Variants in UPP2 observed in about 807,000 individuals in gnomAD.
UPP2 encodes the protein UPase 2.
In UPP2, 23 loss-of-function variants were observed where a neutral mutation model predicts 26.7. That is an observed-to-expected ratio of 0.86 (90% confidence interval 0.62 to 1.22). The LOEUF (loss-of-function observed/expected upper bound fraction) is 1.22. Ranked by LOEUF, UPP2 falls within the 50% of genes most tolerant of loss-of-function variation. The pLI is 0.00. For synonymous variants in UPP2, 127 were observed against 141.3 expected, an observed-to-expected ratio of 0.90 and a Z score of 0.72; for missense variants, 387 against 396.7, an observed-to-expected ratio of 0.98 and a Z score of 0.21.
intron 3 of UPP2, among the ~76,000 whole-genome samples, chr2:158,087,748 T>G (rs1463020064): frequency 6.6e-6 from 1 of 152,168 alleles, no homozygotes; most frequent in Non-Finnish European, 1.5e-5. Flanking sequence ...CCTTCATTTA[T>G]GAAGTTTAGT....
intron 3 of UPP2, among the ~76,000 whole-genome samples, chr2:158,023,352 A>G (rs1244929095): frequency 6.6e-6 from 1 of 152,150 alleles, no homozygotes; most frequent in Non-Finnish European, 1.5e-5. Flanking sequence ...GTGACACTCC[A>G]TAATAATTAA....
chr2:158,098,860 C>T (rs1683028262), upstream of UPP2, among the ~76,000 whole-genome samples: 1 of 152,306 alleles, frequency 6.6e-6, no homozygotes, highest in South Asian at 2.1e-4. Flanking sequence ...ATAGAAAATA[C>T]TGTACATTTT....
In UPP2 at chr2:158,102,086, C is replaced by T; in HGVS notation, c.23C>T (p.Ser8Phe). MASVIPA[S>F]NRSMRSDRNT... ...AGAATGGCTTCAGTTATACCTGCCT[C>T]CAATAGGTCCATGAGATCTGACAGG... The change falls in exon 1 of 7, where the codon TCC (serine) becomes TTC (phenylalanine). Residue 8 changes from serine (S) to phenylalanine (F), a missense_variant. Ser to Phe is a radical substitution (Grantham distance 155). Coordinates refer to ENST00000005756, the MANE Select transcript of UPP2 (RefSeq NM_173355.4). 1 of 1,613,472 alleles carries T rather than the reference C, an allele frequency of 6.2e-7. No individual in the cohort carries two copies. The highest frequency in any genetic ancestry group is 8.5e-7 in the Non-Finnish European group (1 of 1,179,752).
At chr2:158,093,708 A>C (rs1291462167) in intron 3 of UPP2, among the ~76,000 whole-genome samples, 1 of 152,162 alleles carries the variant, frequency 6.6e-6, no homozygotes, top group Non-Finnish European at 1.5e-5. Flanking sequence ...TAAGGCTAAC[A>C]ACATCAGATT....
At chr2:158,120,041 A>G (rs555774750) in intron 4 of UPP2, among the ~76,000 whole-genome samples, 1 of 150,938 alleles carries the variant, frequency 6.6e-6, no homozygotes, top group African/African-American at 2.4e-5. Context: ...AAAATAAATT[A>G]AAAAAAAATA....
chr2:158,121,529 T>C lies in UPP2; in HGVS notation c.575T>C (p.Leu192Pro), dbSNP rs1683567017. The C allele has an allele frequency of 6.2e-7, 1 of 1,613,534 alleles. No homozygotes were observed. The highest frequency in any genetic ancestry group is 1.1e-5 in the South Asian group (1 of 91,070). Residue 192 changes from leucine to proline, a missense_variant, in exon 5 of 7, where the codon CTG becomes CCG. Coordinates refer to ENST00000005756, the MANE Select transcript of UPP2 (RefSeq NM_173355.4). ...CGAAGTACTGAACTGGACAAAGAACTGTCTGAAGAACTGTTCAACTGTAGC... is the reference window on the plus strand; with the variant it reads ...CGAAGTACTGAACTGGACAAAGAACCGTCTGAAGAACTGTTCAACTGTAGC... The part of the protein sequence containing the change: ...VTRSTELDKE[L>P]SEELFNCSKE...
chr2:158,009,102 T>C (rs1388185705), intron 2 of UPP2, among the ~76,000 whole-genome samples: 2 of 152,162 alleles, frequency 1.3e-5, no homozygotes, highest in Admixed American at 6.5e-5. Context: ...TTCTAACACA[T>C]GCAAGAAATT....
At chr2:158,079,587 G>C (rs1296478477) in intron 3 of UPP2, among the ~76,000 whole-genome samples, 2 of 152,098 alleles carry the variant, frequency 1.3e-5, no homozygotes, top group Non-Finnish European at 2.9e-5. Context: ...ATTAAAAGGC[G>C]ATTAAATCAT....
chr2:158,026,912 C>A (rs376646054), intron 3 of UPP2, among the ~76,000 whole-genome samples: 2 of 152,098 alleles, frequency 1.3e-5, no homozygotes, highest in Non-Finnish European at 2.9e-5. Flanking sequence ...AAAGCGGAAA[C>A]CCCTGATAAA....
intron 6 of UPP2, among the ~76,000 whole-genome samples, chr2:158,131,917 T>C (rs991156213): frequency 2.6e-5 from 4 of 152,234 alleles, no homozygotes; most frequent in African/African-American, 7.2e-5. Flanking sequence ...TTCTTTTCTA[T>C]CTTTGGCATT....
At chr2:158,094,113 G>T in intron 3 of UPP2, among the ~76,000 whole-genome samples, 1 of 151,546 alleles carries the variant, frequency 6.6e-6, no homozygotes, top group Non-Finnish European at 1.5e-5. Context: ...TTATAAGTAC[G>T]AGTTTTAACA....
chr2:158,018,958 T>C (rs537356558), intron 3 of UPP2, among the ~76,000 whole-genome samples: 1 of 152,290 alleles, frequency 6.6e-6, no homozygotes, highest in African/African-American at 2.4e-5. Context: ...GACAGAAGCA[T>C]GGTCTTGCGT....
rs1464441148 is a variant in UPP2, at chr2:158,129,570, C to T, written c.812-5178C>T. On this transcript the variant is annotated intron_variant, in intron 6 of 6. Transcript: ENST00000005756. ...ATAGACATCTCCTGTCTCCTGATCA[C>T]CACTCTCTCCACTATTCCATAAGGT... Among the ~76,000 whole-genome samples, 4 of 151,982 alleles carry T rather than the reference C, an allele frequency of 2.6e-5. No individual in the cohort carries two copies. In the East Asian group the frequency reaches 7.7e-4, roughly 29 times the overall value.
intron 3 of UPP2, among the ~76,000 whole-genome samples, chr2:158,068,367 T>C (rs1288563705): frequency 6.6e-6 from 1 of 152,200 alleles, no homozygotes; most frequent in East Asian, 1.9e-4. Context: ...GAGTAAGCAT[T>C]TGGTTATTTT....
At chr2:158,028,572 C>T (rs1683872385) in intron 3 of UPP2, among the ~76,000 whole-genome samples, 2 of 152,210 alleles carry the variant, frequency 1.3e-5, no homozygotes, top group African/African-American at 4.8e-5. Flanking sequence ...TCTGTTCCAA[C>T]CTCTGCATGT....
chr2:158,082,632 T>A (rs1261719840), intron 3 of UPP2, among the ~76,000 whole-genome samples: 6 of 152,118 alleles, frequency 3.9e-5, no homozygotes, highest in Non-Finnish European at 8.8e-5. Context: ...GCAATACCAT[T>A]CATGACATGA....
intron 3 of UPP2, among the ~76,000 whole-genome samples, chr2:158,047,801 G>A (rs535892820): frequency 6.6e-6 from 1 of 152,270 alleles, no homozygotes; most frequent in African/African-American, 2.4e-5. Context: ...ACAAGTACTT[G>A]GTGAACATAT....
At chr2:158,127,125 C>A (rs1386928363) in intron 6 of UPP2, among the ~76,000 whole-genome samples, 2 of 152,152 alleles carry the variant, frequency 1.3e-5, no homozygotes, top group Non-Finnish European at 1.5e-5. Flanking sequence ...ACGTGGATTA[C>A]CACTTATTAT....
chr2:158,012,097 C>T (rs1023590192), intron 2 of UPP2, among the ~76,000 whole-genome samples: 1 of 152,054 alleles, frequency 6.6e-6, no homozygotes, highest in Non-Finnish European at 1.5e-5. Flanking sequence ...TTTGCATGCT[C>T]ACTCTCTGAG....
Sources: gnomAD v4.1 joint callset for allele counts (sites outside exome capture counted in the v4.1 genomes callset) on GRCh38, gnomAD v4.1.1 for gene constraint, MANE v1.5 for transcripts, NCBI Gene and HGNC (gene_info 2026-07-23, HGNC 2026-07-21) for gene names.